SIL1: variants seen among roughly 807,000 people sequenced by gnomAD.
SIL1 encodes nucleotide exchange factor SIL1.
In SIL1, 40 loss-of-function variants were observed where a neutral mutation model predicts 49.1. The observed-to-expected ratio is 0.81, with a 90% CI of 0.63 to 1.06. The LOEUF (loss-of-function observed/expected upper bound fraction) is 1.06, where lower values mean the gene tolerates loss of function less well. Among genes scored for constraint, SIL1 ranks in the 50% least tolerant of loss-of-function variants. The pLI, the probability that SIL1 is intolerant of heterozygous loss-of-function variation, is 0.00. For missense variants in SIL1, 500 were observed against 572.6 expected (o/e 0.87, Z 1.29); for synonymous variants, 253 against 250.8 (o/e 1.01, Z -0.08).
At chr5:139,061,455 C>A (rs1191525062) in intron 3 of SIL1, among the ~76,000 whole-genome samples, 1 of 152,248 alleles carries the variant, frequency 6.6e-6, no homozygotes, top group Non-Finnish European at 1.5e-5. Context: ...TGGCAGAAAG[C>A]CAGAGGCTGC....
At chr5:139,040,484 C>CT (rs140792595) in intron 5 of SIL1, among the ~76,000 whole-genome samples, 4,535 of 88,940 alleles carry the variant, frequency 0.051, 577 homozygotes, top group African/African-American at 0.11. Flanking sequence ...AGTATTTTTT[C>CT]TTTTTTCTTT....
At chr5:139,032,365 A>C (rs1768812361) in intron 5 of SIL1, among the ~76,000 whole-genome samples, 1 of 152,208 alleles carries the variant, frequency 6.6e-6, no homozygotes, top group Admixed American at 6.5e-5. Flanking sequence ...GTTGGGTTAT[A>C]CTGATTATTT....
chr5:139,056,011 C>T (rs1390152637), intron 3 of SIL1, among the ~76,000 whole-genome samples: 2 of 151,774 alleles, frequency 1.3e-5, no homozygotes, highest in Non-Finnish European at 1.5e-5. Context: ...GGCGTGATCT[C>T]GGCTCGCTAC....
rs140116991 is a variant in SIL1 at position 139,061,778 on chromosome 5, T to C, written c.245-10732A>G. Among the ~76,000 whole-genome samples, 1,130 of 152,104 alleles carry C rather than the reference T, an allele frequency of 7.4e-3. 7 individuals carry two copies. Among genetic ancestry groups the C allele is most frequent in the Middle Eastern group, 0.017 (5 of 294 alleles). Reference sequence around the variant, plus strand: ...TTATTTGTCAAGTCCTACAGGTAGGTGTTAAGAGTAAAAACTCCCGGTTAT... The same window carrying C: ...TTATTTGTCAAGTCCTACAGGTAGGCGTTAAGAGTAAAAACTCCCGGTTAT... On this transcript the variant is annotated intron_variant, in intron 3 of 9. Coordinates refer to ENST00000394817, the MANE Select transcript of SIL1 (RefSeq NM_022464.5).
At chr5:139,097,485 CTT>C (rs58976541) in intron 3 of SIL1, among the ~76,000 whole-genome samples, 19 of 143,222 alleles carry the variant, frequency 1.3e-4, no homozygotes, top group Non-Finnish European at 1.5e-4. Flanking sequence ...TAGCATTTCT[CTT>C]TTTTTTTTTT....
intron 7 of SIL1, among the ~76,000 whole-genome samples, chr5:138,989,831 G>A (rs1200791577): frequency 1.3e-5 from 2 of 152,136 alleles, no homozygotes; most frequent in African/African-American, 4.8e-5. Flanking sequence ...AACTGCACGG[G>A]AAATGCCATC....
rs186241191 is a variant in SIL1 at position 139,073,013 on chromosome 5, C to T, written c.245-21967G>A. ...AATTAAAATCACAATGAAGTATCAC[C>T]AGACACCTGTCAGAATGGCTACTAC... On this transcript the variant is annotated intron_variant, in intron 3 of 9. Transcript: ENST00000394817. Among the ~76,000 whole-genome samples, 213 of 152,216 alleles carry T rather than the reference C, an allele frequency of 1.4e-3. 1 individual carries two copies. Among genetic ancestry groups the T allele is most frequent in the African/African-American group, 4.6e-3 (192 of 41,526 alleles).
rs758505454 is a variant in SIL1 at position 139,050,943 on chromosome 5, G to C, written c.348C>G (p.Gly116=). The part of the protein sequence containing the change: ...YEDKFRNNLK[G]KRLDINTNTY... Reference sequence around the variant, plus strand: ...CCCTAGGGTTGACACTGTACCTTTTGCCTTTCAAATTATTTCGGAACTTGT... The same window carrying C: ...CCCTAGGGTTGACACTGTACCTTTTCCCTTTCAAATTATTTCGGAACTTGT... The change falls in exon 4 of 10, where the codon GGC becomes GGG. Residue 116 remains glycine, a synonymous_variant. Coordinates refer to ENST00000394817, the MANE Select transcript of SIL1 (RefSeq NM_022464.5). The C allele has an allele frequency of 5.6e-5, 91 of 1,613,570 alleles. No homozygotes were observed. Among genetic ancestry groups the C allele is most frequent in the Non-Finnish European group, 6.4e-5 (75 of 1,179,636 alleles).
intron 5 of SIL1, among the ~76,000 whole-genome samples, chr5:139,036,511 G>A (rs995207034): frequency 9.9e-5 from 15 of 152,112 alleles, no homozygotes; most frequent in African/African-American, 1.7e-4. Flanking sequence ...GGAATACTAC[G>A]CAGCCATAAA....
intron 7 of SIL1, among the ~76,000 whole-genome samples, chr5:139,016,657 T>C (rs1768406684): frequency 5.9e-5 from 9 of 152,074 alleles, no homozygotes; most frequent in Admixed American, 5.2e-4. Context: ...AGAGGTAAAG[T>C]TCCCTAAGGA....
chr5:139,047,290 T>A (rs1769187545), intron 4 of SIL1, among the ~76,000 whole-genome samples: 1 of 152,098 alleles, frequency 6.6e-6, no homozygotes, highest in Non-Finnish European at 1.5e-5. Context: ...AAATAGCAAG[T>A]GGAAACCTGT....
intron 3 of SIL1, among the ~76,000 whole-genome samples, chr5:139,118,676 G>C (rs913883062): frequency 6.6e-6 from 1 of 152,188 alleles, no homozygotes; most frequent in Non-Finnish European, 1.5e-5. Flanking sequence ...TCTTTAGGTA[G>C]ATGTGTTGGG....
At chr5:139,065,161 A>C (rs754765508) in intron 3 of SIL1, among the ~76,000 whole-genome samples, 13 of 152,194 alleles carry the variant, frequency 8.5e-5, no homozygotes, top group Non-Finnish European at 1.8e-4. Flanking sequence ...ATTCAGTAAC[A>C]ATGAGGGCTG....
intron 3 of SIL1, among the ~76,000 whole-genome samples, chr5:139,105,125 A>G (rs568980988): frequency 2.4e-4 from 37 of 152,230 alleles, no homozygotes; most frequent in South Asian, 2.1e-3. Flanking sequence ...GTGGGTGAGG[A>G]TTGAGTCATG....
At chr5:139,102,841 A>G (rs1217792896) in intron 3 of SIL1, among the ~76,000 whole-genome samples, 1 of 151,624 alleles carries the variant, frequency 6.6e-6, no homozygotes, top group Non-Finnish European at 1.5e-5. Flanking sequence ...CAGCCTCCTG[A>G]GTAGCTGGGA....
chr5:139,198,217 GC>G (rs1023178877), intron 1 of SIL1, 51 bp downstream of exon 1: 5 of 152,348 alleles, frequency 3.3e-5, no homozygotes, highest in Non-Finnish European at 5.9e-5. Context: ...CCCAGGAAGC[GC>G]CCTGAGCCCC....
At chr5:138,998,164 G>A (rs902367626) in intron 7 of SIL1, among the ~76,000 whole-genome samples, 14 of 152,152 alleles carry the variant, frequency 9.2e-5, no homozygotes, top group African/African-American at 3.1e-4. Flanking sequence ...CTGAGACTGG[G>A]TAATTTTTAC....
intron 3 of SIL1, among the ~76,000 whole-genome samples, chr5:139,107,822 C>T (rs187539758): frequency 6.6e-6 from 1 of 152,200 alleles, no homozygotes. Context: ...GTAAACATTT[C>T]ATGTTTACCT....
chr5:139,054,389 AAC>A (rs1284883460), intron 3 of SIL1, among the ~76,000 whole-genome samples: 1 of 152,220 alleles, frequency 6.6e-6, no homozygotes, highest in African/African-American at 2.4e-5. Flanking sequence ...TAGCCTGGGC[AAC>A]AGAGTGAGAA....
Sources: gnomAD v4.1 joint callset for allele counts (sites outside exome capture counted in the v4.1 genomes callset) on GRCh38, gnomAD v4.1.1 for gene constraint, MANE v1.5 for transcripts, NCBI Gene and HGNC (gene_info 2026-07-23, HGNC 2026-07-21) for gene names.